Variants in SGK3 observed in about 807,000 individuals in gnomAD.
SGK3 encodes serum/glucocorticoid regulated kinase family member 3, also known as serine/threonine-protein kinase Sgk3.
SGK3 carries 47 observed loss-of-function variants against 68.5 expected under a neutral mutation model. That is an observed-to-expected ratio of 0.69 (90% CI 0.54 to 0.87). The LOEUF is 0.87. Among genes scored for constraint, SGK3 ranks in the 40% least tolerant of loss-of-function variants. The probability of loss-of-function intolerance (pLI) is 0.00; values close to 1 mark genes in which losing one functional copy is unlikely to be tolerated. For missense variants in SGK3, 479 were observed against 575.5 expected (o/e 0.83, Z 1.72); for synonymous variants, 181 against 189.1 (o/e 0.96, Z 0.35).
chr8:66,856,816 T>C (rs948282925), intron 16 of SGK3, among the ~76,000 whole-genome samples: 2 of 152,168 alleles, frequency 1.3e-5, no homozygotes, highest in Non-Finnish European at 2.9e-5. Flanking sequence ...GAGTAGTTTA[T>C]ATAACGAATT....
At chr8:66,830,105 C>T (rs1474733636) in intron 7 of SGK3, among the ~76,000 whole-genome samples, 5 of 152,208 alleles carry the variant, frequency 3.3e-5, no homozygotes, top group African/African-American at 1.2e-4. Context: ...ATCTGCTTGC[C>T]TCAGTCTCCC....
At chr8:66,779,603 AAAC>A (rs1806890863) in intron 1 of SGK3, among the ~76,000 whole-genome samples, 4 of 122,298 alleles carry the variant, frequency 3.3e-5, no homozygotes, top group Admixed American at 8.3e-5. Flanking sequence ...TATATATATA[AAAC>A]ACATTTTTTA....
At chr8:66,741,586 G>T (rs574278850) in intron 1 of SGK3, among the ~76,000 whole-genome samples, 2 of 152,012 alleles carry the variant, frequency 1.3e-5, no homozygotes, top group South Asian at 4.2e-4. Flanking sequence ...TGTTGGTGGG[G>T]CTGGGTACAG....
At chr8:66,727,475 G>C (rs948205338) in intron 1 of SGK3, among the ~76,000 whole-genome samples, 2 of 152,164 alleles carry the variant, frequency 1.3e-5, no homozygotes, top group Non-Finnish European at 2.9e-5. Context: ...AAAGATGGTG[G>C]TATGGTCTGG....
At chr8:66,774,275 C>A (rs1310938762) in intron 1 of SGK3, among the ~76,000 whole-genome samples, 2 of 152,098 alleles carry the variant, frequency 1.3e-5, no homozygotes, top group Non-Finnish European at 2.9e-5. Flanking sequence ...TACCGTATGT[C>A]AATCCTGCTT....
chr8:66,732,496 A>C (rs1355522830), intron 1 of SGK3, among the ~76,000 whole-genome samples: 2 of 152,070 alleles, frequency 1.3e-5, no homozygotes, highest in Admixed American at 6.6e-5. Flanking sequence ...TCCAAAAAAA[A>C]AAAAAAAATT....
intron 1 of SGK3, chr8:66,767,379 T>C: frequency 1.7e-6 from 2 of 1,204,232 alleles, no homozygotes; most frequent in Non-Finnish European, 2.5e-6. Flanking sequence ...ATACACAAAC[T>C]CTAAAGCACT....
chr8:66,839,226 C>A lies in SGK3; in HGVS notation c.742-777C>A, dbSNP rs554126184. On this transcript the variant is annotated intron_variant, in intron 10 of 16. Coordinates refer to ENST00000521198, the MANE Select transcript of SGK3 (RefSeq NM_001033578.3). ...AGCCAAGGGACCCAGTGGAAACTTC[C>A]CCCAGGCAGTAACCTTAGTTAAAGG... Among the ~76,000 whole-genome samples the A allele has an allele frequency of 2.5e-4, 38 of 151,670 alleles. No individual in the cohort carries two copies. In the South Asian group the frequency reaches 7.5e-3, roughly 30 times the overall value.
intron 5 of SGK3, among the ~76,000 whole-genome samples, chr8:66,816,815 G>T (rs1442986570): frequency 6.6e-6 from 1 of 151,926 alleles, no homozygotes; most frequent in African/African-American, 2.4e-5. Context: ...TTACTGTTAA[G>T]GAAACGTACT....
At chr8:66,718,437 C>CAT (rs1211032898) in intron 1 of SGK3, among the ~76,000 whole-genome samples, 1 of 150,058 alleles carries the variant, frequency 6.7e-6, no homozygotes, top group East Asian at 1.9e-4. Context: ...TATATACACA[C>CAT]ATATATATAT....
chr8:66,751,235 A>G (rs1805808124), intron 1 of SGK3, among the ~76,000 whole-genome samples: 1 of 152,116 alleles, frequency 6.6e-6, no homozygotes, highest in Admixed American at 6.6e-5. Flanking sequence ...AAAAGAAATG[A>G]GAGGAGTTGT....
chr8:66,850,365 A>T (rs1373746771), intron 15 of SGK3, among the ~76,000 whole-genome samples: 1 of 152,140 alleles, frequency 6.6e-6, no homozygotes, highest in African/African-American at 2.4e-5. Context: ...TGAGTGGGAT[A>T]TTTTTTTATT....
At chr8:66,854,455 G>C (rs1261295746) in intron 16 of SGK3, among the ~76,000 whole-genome samples, 1 of 152,150 alleles carries the variant, frequency 6.6e-6, no homozygotes, top group Admixed American at 6.5e-5. Flanking sequence ...AGCTGTGATA[G>C]GAGTGGCTTG....
At chr8:66,739,588 G>T (rs534093953) in intron 1 of SGK3, among the ~76,000 whole-genome samples, 1 of 152,146 alleles carries the variant, frequency 6.6e-6, no homozygotes, top group East Asian at 1.9e-4. Context: ...TAAAGACGGG[G>T]TTTCACCATG....
At position 66,813,842 on chromosome 8, in the gene SGK3, C is replaced by T. The variant is rs1204748942; in HGVS notation, c.254-11C>T. 2 of 1,568,634 alleles carry T rather than the reference C, an allele frequency of 1.3e-6. No homozygotes were observed. The highest frequency in any genetic ancestry group is 1.7e-6 in the Non-Finnish European group (2 of 1,159,546). On this transcript the variant is annotated splice_polypyrimidine_tract_variant and intron_variant, in intron 4 of 16. Transcript: ENST00000521198. ...CATAAATAATCCTAATAGTTTATAT[C>T]TCTCTTCCAGATTTTATTAAACAAA... is the stretch of plus-strand genomic sequence containing the variant.
At chr8:66,841,613 T>C (rs1809800024) in intron 13 of SGK3, among the ~76,000 whole-genome samples, 1 of 152,126 alleles carries the variant, frequency 6.6e-6, no homozygotes. Context: ...TATGGCAAAA[T>C]ATTAACACTT....
chr8:66,808,264 A>G (rs750894030), intron 4 of SGK3, among the ~76,000 whole-genome samples: 2 of 152,224 alleles, frequency 1.3e-5, no homozygotes, highest in Non-Finnish European at 2.9e-5. Flanking sequence ...ACAACTGAAA[A>G]TAAACTGAAG....
chr8:66,794,556 G>A (rs1426641051), intron 2 of SGK3, among the ~76,000 whole-genome samples: 1 of 151,682 alleles, frequency 6.6e-6, no homozygotes, highest in Non-Finnish European at 1.5e-5. Flanking sequence ...CACCTACTGA[G>A]TAATATGAAG....
At chr8:66,844,168 CTCAAATATCACTCTAATT>C (rs1214680735) in intron 14 of SGK3, among the ~76,000 whole-genome samples, 3 of 152,040 alleles carry the variant, frequency 2.0e-5, no homozygotes, top group African/African-American at 7.2e-5. Flanking sequence ...ATTCAGTTTA[CTCAAATATCACTCTAATT>C]TTAAGATAAT....
Sources: gnomAD v4.1 joint callset for allele counts (sites outside exome capture counted in the v4.1 genomes callset) on GRCh38, gnomAD v4.1.1 for gene constraint, MANE v1.5 for transcripts, NCBI Gene and HGNC (gene_info 2026-07-23, HGNC 2026-07-21) for gene names.